Variants in UNC5C observed in about 807,000 individuals in gnomAD.
The protein encoded by UNC5C is netrin receptor UNC5C.
UNC5C carries 47 observed loss-of-function variants against 99.8 expected under a neutral mutation model. The observed-to-expected ratio is 0.47, with a 90% CI of 0.37 to 0.60. UNC5C has a LOEUF of 0.60. Ranked by LOEUF, UNC5C falls within the 20% of genes least tolerant of loss-of-function variation. The pLI is 0.00. For missense variants in UNC5C, 1,062 were observed against 1,165.9 expected (o/e 0.91, Z 1.30); for synonymous variants, 487 against 452.2 (o/e 1.08, Z -0.98).
At chr4:95,216,004 AATGT>A in intron 10 of UNC5C, 116 bp downstream of exon 10, 1 of 688,178 alleles carries the variant, frequency 1.5e-6, no homozygotes, top group Non-Finnish European at 2.3e-6. Context: ...AGGGAAAAAG[AATGT>A]ATGCCAGAAG....
chr4:95,273,385 A>G (rs1360299311), intron 4 of UNC5C, among the ~76,000 whole-genome samples: 1 of 152,212 alleles, frequency 6.6e-6, no homozygotes, highest in African/African-American at 2.4e-5. Flanking sequence ...GTACTCTCCA[A>G]AAGAGATAAT....
intron 1 of UNC5C, among the ~76,000 whole-genome samples, chr4:95,433,597 A>G (rs762424696): frequency 3.3e-5 from 5 of 152,116 alleles, no homozygotes; most frequent in South Asian, 2.1e-4. Flanking sequence ...ATGCATTTCA[A>G]TGTAAATTAC....
At chr4:95,249,207 G>T (rs1222655015) in intron 5 of UNC5C, among the ~76,000 whole-genome samples, 1 of 152,130 alleles carries the variant, frequency 6.6e-6, no homozygotes, top group Non-Finnish European at 1.5e-5. Flanking sequence ...ACTCTATGAT[G>T]TTTGCCCAGT....
chr4:95,439,823 C>T, intron 1 of UNC5C, among the ~76,000 whole-genome samples: 1 of 152,020 alleles, frequency 6.6e-6, no homozygotes, highest in East Asian at 1.9e-4. Context: ...TGTATTGACC[C>T]CACAGGCACT....
intron 1 of UNC5C, among the ~76,000 whole-genome samples, chr4:95,450,140 C>T (rs898334882): frequency 6.6e-6 from 1 of 152,192 alleles, no homozygotes; most frequent in Non-Finnish European, 1.5e-5. Flanking sequence ...CAGATCTGCC[C>T]TTTCCACCAT....
At chr4:95,472,408 A>T (rs1747997723) in intron 1 of UNC5C, among the ~76,000 whole-genome samples, 1 of 152,128 alleles carries the variant, frequency 6.6e-6, no homozygotes, top group Non-Finnish European at 1.5e-5. Context: ...TGAGGGGGAG[A>T]GGAATACTCA....
intron 1 of UNC5C, among the ~76,000 whole-genome samples, chr4:95,508,906 A>G (rs972549230): frequency 6.6e-6 from 1 of 151,934 alleles, no homozygotes; most frequent in Non-Finnish European, 1.5e-5. Flanking sequence ...AGAAATCTAG[A>G]CATGAATATT....
chr4:95,240,408 G>A (rs1182051426), intron 7 of UNC5C, among the ~76,000 whole-genome samples: 1 of 152,150 alleles, frequency 6.6e-6, no homozygotes, highest in Non-Finnish European at 1.5e-5. Flanking sequence ...TATCTCTGTG[G>A]TTTTATCACT....
rs930364441 is a variant in UNC5C at position 95,163,247 on chromosome 4, C to T, written c.*5987G>A. The T allele has an allele frequency of 7.9e-5, 12 of 152,216 alleles. No homozygotes were observed. Among genetic ancestry groups the T allele is most frequent in the African/African-American group, 2.9e-4 (12 of 41,454 alleles). The allele number at this position is 152,216 out of a possible 1,614,324, so 9.4% of individuals were successfully genotyped here. Reference sequence around the variant, plus strand: ...GTAGACATCTGAGTTTTTACCCCTACATGTACAGATGCCATTTGTTACTTT... The same window carrying T: ...GTAGACATCTGAGTTTTTACCCCTATATGTACAGATGCCATTTGTTACTTT... On this transcript the variant is annotated 3_prime_UTR_variant, in exon 16 of 16. Transcript: ENST00000453304.
chr4:95,534,601 T>C (rs1722729383), intron 1 of UNC5C, among the ~76,000 whole-genome samples: 1 of 152,184 alleles, frequency 6.6e-6, no homozygotes, highest in Non-Finnish European at 1.5e-5. Flanking sequence ...CAAGTAGAAC[T>C]ATGATCTTTG....
At chr4:95,235,481 A>C (rs2149375237) in intron 7 of UNC5C, among the ~76,000 whole-genome samples, 1 of 152,226 alleles carries the variant, frequency 6.6e-6, no homozygotes, top group Admixed American at 6.5e-5. Context: ...GAAGCTCTTT[A>C]GTTTAATTAG....
At chr4:95,250,990 T>C (rs1255179143) in intron 4 of UNC5C, among the ~76,000 whole-genome samples, 1 of 152,242 alleles carries the variant, frequency 6.6e-6, no homozygotes, top group African/African-American at 2.4e-5. Context: ...GAATGGGGAA[T>C]GTGTGCTGCC....
chr4:95,182,835 C>T, intron 14 of UNC5C, 62 bp downstream of exon 14: 1 of 1,541,058 alleles, frequency 6.5e-7, no homozygotes, highest in Non-Finnish European at 8.8e-7. Context: ...TTTTAGCCCA[C>T]ACACTCTGTC....
intron 1 of UNC5C, among the ~76,000 whole-genome samples, chr4:95,474,518 G>A (rs914288247): frequency 1.3e-5 from 2 of 152,026 alleles, no homozygotes; most frequent in African/African-American, 2.4e-5. Flanking sequence ...TCGAACTCCT[G>A]ACCTCAGGTG....
At chr4:95,373,710 G>A (rs1036301684) in intron 1 of UNC5C, among the ~76,000 whole-genome samples, 3 of 152,100 alleles carry the variant, frequency 2.0e-5, no homozygotes, top group Non-Finnish European at 2.9e-5. Flanking sequence ...TGAGTTTATG[G>A]GACATAAATA....
chr4:95,368,722 T>A (rs1490828968), intron 1 of UNC5C, among the ~76,000 whole-genome samples: 1 of 152,162 alleles, frequency 6.6e-6, no homozygotes, highest in Non-Finnish European at 1.5e-5. Context: ...TAATTTAAAA[T>A]TTTCAAGTCA....
At chr4:95,315,384 T>C (rs1742435936) in intron 2 of UNC5C, among the ~76,000 whole-genome samples, 1 of 152,174 alleles carries the variant, frequency 6.6e-6, no homozygotes, top group South Asian at 2.1e-4. Context: ...TGAGTATTTT[T>C]GGAACTTGTA....
intron 6 of UNC5C, among the ~76,000 whole-genome samples, chr4:95,243,311 A>G (rs1306137162): frequency 6.6e-6 from 1 of 152,032 alleles, no homozygotes; most frequent in Admixed American, 6.6e-5. Context: ...TTTCTTCCTA[A>G]TTTTGGTGGC....
chr4:95,412,437 TC>T (rs1746021270), intron 1 of UNC5C, among the ~76,000 whole-genome samples: 1 of 152,140 alleles, frequency 6.6e-6, no homozygotes, highest in Non-Finnish European at 1.5e-5. Context: ...TCCCCTCCAA[TC>T]CTAGACTGGA....
Sources: allele counts gnomAD v4.1 joint callset (sites outside exome capture counted in the v4.1 genomes callset), GRCh38; gene constraint gnomAD v4.1.1; transcripts MANE v1.5; gene names NCBI Gene and HGNC (gene_info 2026-07-23, HGNC 2026-07-21).